SORCS3: variants seen among roughly 807,000 people sequenced by gnomAD.
SORCS3 encodes the protein sortilin related VPS10 domain containing receptor 3.
Under a neutral mutation model 146.3 loss-of-function variants are expected in SORCS3, and 57 were observed. That is an observed-to-expected ratio of 0.39 (90% CI 0.31 to 0.49). SORCS3 has a LOEUF of 0.49. Among genes scored for constraint, SORCS3 ranks in the 20% least tolerant of loss-of-function variants. The pLI, the probability that SORCS3 is intolerant of heterozygous loss-of-function variation, is 0.92. For missense variants in SORCS3, 1,341 were observed against 1,575.5 expected (o/e 0.85, Z 2.52); for synonymous variants, 653 against 618.5 (o/e 1.06, Z -0.83).
At chr10:104,920,892 G>C (rs2019080212) in intron 3 of SORCS3, among the ~76,000 whole-genome samples, 1 of 152,184 alleles carries the variant, frequency 6.6e-6, no homozygotes, top group African/African-American at 2.4e-5. Flanking sequence ...CTGACTATTT[G>C]ATGTGAATTT....
chr10:105,041,103 A>G (rs1309451614), intron 4 of SORCS3, among the ~76,000 whole-genome samples: 1 of 147,934 alleles, frequency 6.8e-6, no homozygotes, highest in East Asian at 1.9e-4. Context: ...ATATATATAT[A>G]AAATGGGTTC....
At chr10:105,025,879 CA>C (rs2055225690) in intron 4 of SORCS3, among the ~76,000 whole-genome samples, 2 of 150,584 alleles carry the variant, frequency 1.3e-5, no homozygotes, top group East Asian at 1.9e-4. Context: ...CACACACACA[CA>C]CCTGAAGAAC....
At chr10:105,009,442 G>A (rs1056531268) in intron 4 of SORCS3, among the ~76,000 whole-genome samples, 1 of 150,708 alleles carries the variant, frequency 6.6e-6, no homozygotes, top group South Asian at 2.1e-4. Context: ...AAGGTATTCA[G>A]GAGATACAAT....
chr10:104,790,811 G>A (rs896046660), intron 1 of SORCS3, among the ~76,000 whole-genome samples: 9 of 152,292 alleles, frequency 5.9e-5, no homozygotes, highest in East Asian at 5.8e-4. Flanking sequence ...TTTACCTTTA[G>A]CAGAATTGAG....
intron 7 of SORCS3, 74 bp downstream of exon 7, chr10:105,105,589 T>A (rs1004091518): frequency 3.8e-6 from 4 of 1,050,516 alleles, no homozygotes; most frequent in Non-Finnish European, 5.9e-6. Context: ...AAAAGGAGGG[T>A]GGCTTTCCCA....
chr10:104,740,023 T>C (rs1253655878), intron 1 of SORCS3, among the ~76,000 whole-genome samples: 1 of 152,226 alleles, frequency 6.6e-6, no homozygotes, highest in Non-Finnish European at 1.5e-5. Flanking sequence ...TATTAGCTGG[T>C]CTTTCCTTTT....
At chr10:105,199,667 GT>G (rs1037053648) in intron 14 of SORCS3, among the ~76,000 whole-genome samples, 1 of 152,028 alleles carries the variant, frequency 6.6e-6, no homozygotes, top group African/African-American at 2.4e-5. Flanking sequence ...CTGAACAGGG[GT>G]TTTATATGGG....
chr10:104,758,409 C>T (rs1183797605), intron 1 of SORCS3, among the ~76,000 whole-genome samples: 4 of 152,194 alleles, frequency 2.6e-5, no homozygotes, highest in African/African-American at 9.6e-5. Flanking sequence ...TTCCTTTCTT[C>T]AACTATTTGA....
intron 1 of SORCS3, among the ~76,000 whole-genome samples, chr10:104,769,456 G>A (rs1041403161): frequency 2.0e-5 from 3 of 152,234 alleles, no homozygotes; most frequent in Non-Finnish European, 2.9e-5. Flanking sequence ...ATGGAGGCTG[G>A]CCATGGTCCT....
chr10:104,977,589 T>G, intron 4 of SORCS3, 96 bp downstream of exon 4: 1 of 1,195,168 alleles, frequency 8.4e-7, no homozygotes, highest in Non-Finnish European at 1.1e-6. Flanking sequence ...GGGAATTCAG[T>G]GACATTTCAT....
intron 3 of SORCS3, among the ~76,000 whole-genome samples, chr10:104,969,303 TTGTGTGTG>T (rs59557629): frequency 0.016 from 2,218 of 140,628 alleles, 48 homozygotes; most frequent in African/African-American, 0.055. Context: ...TCAAAAAGGA[TTGTGTGTG>T]TGTGTGTGTG....
rs538727223 is a variant in SORCS3 at position 105,193,141 on chromosome 10, T to C, written c.2010-6858T>C. Among the ~76,000 whole-genome samples the C allele has an allele frequency of 7.9e-4, 120 of 152,288 alleles. No homozygotes were observed. The Middle Eastern group carries it at 0.014, about 17-fold the overall frequency. On this transcript the variant is annotated intron_variant, in intron 14 of 26. Coordinates refer to ENST00000369701, the MANE Select transcript of SORCS3 (RefSeq NM_014978.3). ...CCTTCCTGAAAGGCTTACTCAGGCC[T>C]GAATGGTGGATTAAAGGAGGTGGGT...
chr10:105,086,382 G>A (rs1317556941), intron 5 of SORCS3, among the ~76,000 whole-genome samples: 1 of 152,176 alleles, frequency 6.6e-6, no homozygotes, highest in Non-Finnish European at 1.5e-5. Flanking sequence ...TGCAAGTGCT[G>A]GAGGATGTGT....
chr10:104,882,661 G>T (rs1003730942), intron 2 of SORCS3, among the ~76,000 whole-genome samples: 13 of 151,952 alleles, frequency 8.6e-5, no homozygotes, highest in Admixed American at 8.5e-4. Flanking sequence ...CATCCAGATG[G>T]CCACTCCTAT....
At chr10:104,887,959 C>CGGGGGG (rs1212866137) in intron 2 of SORCS3, among the ~76,000 whole-genome samples, 11 of 6,590 alleles carry the variant, frequency 1.7e-3, no homozygotes, top group Non-Finnish European at 3.3e-3. Context: ...ATGGTGGGGG[C>CGGGGGG]GGGGGGGCGG....
At chr10:105,219,105 A>G (rs889505917) in intron 19 of SORCS3, among the ~76,000 whole-genome samples, 8 of 152,194 alleles carry the variant, frequency 5.3e-5, no homozygotes, top group African/African-American at 1.9e-4. Flanking sequence ...TGTGTTGGGT[A>G]TCCCCAAGAC....
Position 105,245,597 on chromosome 10 carries a change from A to C in SORCS3, c.2924A>C (p.Asp975Ala), listed in dbSNP as rs1356547489. The C allele has an allele frequency of 5.0e-6, 8 of 1,614,026 alleles. No homozygotes were observed. The Admixed American group carries it at 8.3e-5, about 17-fold the overall frequency. Residue 975 changes from aspartate to alanine, a missense_variant, in exon 21 of 27, where the codon GAC becomes GCC. Coordinates refer to ENST00000369701, the MANE Select transcript of SORCS3 (RefSeq NM_014978.3). ...ISFTFLAEGT[D>A]TITVQVAAGN... ...TTCACATTCCTTGCAGAAGGAACCG[A>C]CACCATCACAGTCCAGGTGGCTGCT...
intron 1 of SORCS3, among the ~76,000 whole-genome samples, chr10:104,663,332 G>C (rs1331851525): frequency 2.0e-5 from 3 of 152,202 alleles, no homozygotes; most frequent in Non-Finnish European, 4.4e-5. Flanking sequence ...AAACCCCATA[G>C]GATGGTGTGG....
At chr10:105,037,474 C>T (rs1589604187) in intron 4 of SORCS3, among the ~76,000 whole-genome samples, 1 of 152,124 alleles carries the variant, frequency 6.6e-6, no homozygotes, top group Non-Finnish European at 1.5e-5. Context: ...TTAGGGGAAA[C>T]CTTCCTTGCC....
Sources: allele counts gnomAD v4.1 joint callset (sites outside exome capture counted in the v4.1 genomes callset), GRCh38; gene constraint gnomAD v4.1.1; transcripts MANE v1.5; gene names NCBI Gene and HGNC (gene_info 2026-07-23, HGNC 2026-07-21).